PYCR1: variants seen among roughly 807,000 people sequenced by gnomAD.
PYCR1 encodes the protein pyrroline-5-carboxylate reductase 1.
Under a neutral mutation model 22.9 loss-of-function variants are expected in PYCR1, and 19 were observed. That is an observed-to-expected ratio of 0.83 (90% CI 0.58 to 1.22). The LOEUF (loss-of-function observed/expected upper bound fraction) is 1.22. Ranked by LOEUF, PYCR1 falls within the 50% of genes most tolerant of loss-of-function variation. The probability of loss-of-function intolerance (pLI) is 0.00; values close to 1 mark genes in which losing one functional copy is unlikely to be tolerated. For synonymous variants in PYCR1, 175 were observed against 180.5 expected (o/e 0.97, Z 0.24); for missense variants, 429 against 431.3 (o/e 0.99, Z 0.05).
In PYCR1 at chr17:81,937,171, C is replaced by T. The variant is rs1016283214; in HGVS notation, c.-357G>A. ...GTCTGGGTTCCCACCCCGCCCAGAA[C>T]TGGGCTACCGTCGCGCCCCACCCGG... On this transcript the variant is annotated 5_prime_UTR_variant, in exon 1 of 7. Coordinates refer to ENST00000329875, the MANE Select transcript of PYCR1 (RefSeq NM_006907.4). 4 of 1,471,876 alleles carry T rather than the reference C, an allele frequency of 2.7e-6. No homozygotes were observed. Among genetic ancestry groups the T allele is most frequent in the Admixed American group, 2.5e-5 (1 of 40,386 alleles). 91.2% of individuals were successfully genotyped at this position (1,471,876 alleles called of 1,614,324 possible).
rs2041190927 is a variant in PYCR1, at chr17:81,936,308, C to T, written c.68-115G>A. 9 of 1,006,136 alleles carry T rather than the reference C, an allele frequency of 8.9e-6. No individual in the cohort carries two copies. In the Middle Eastern group the frequency reaches 1.9e-3, roughly 210 times the overall value. 62.3% of individuals were successfully genotyped at this position (1,006,136 alleles called of 1,614,324 possible). ...TGGCGCAATCTCGGCTCACTGCAAG[C>T]TCCACCTCCCGGGTTCACGCCATGC... On this transcript the variant is annotated intron_variant, in intron 1 of 6. Coordinates refer to ENST00000329875, the MANE Select transcript of PYCR1 (RefSeq NM_006907.4).
At chr17:81,934,843 G>A in intron 4 of PYCR1, 83 bp downstream of exon 4, 1 of 1,557,372 alleles carries the variant, frequency 6.4e-7, no homozygotes, top group South Asian at 1.2e-5. Flanking sequence ...CTCCACCCTG[G>A]CCCTCCCAGG....
At chr17:81,935,605 G>T in intron 2 of PYCR1, 89 bp from the exon 3 acceptor site, 57 of 681,576 alleles carry the variant, frequency 8.4e-5, no homozygotes, top group East Asian at 4.3e-4. Flanking sequence ...ATGGCACAGA[G>T]AATGCTGGAG....
chr17:81,937,236 A>G lies in PYCR1; in HGVS notation c.-422T>C. ...CATTCCCGGAGCCCGACCCCAACCC[A>G]GCTACCGTGCGCGGGTCGTACCCAC... On this transcript the variant is annotated 5_prime_UTR_variant, in exon 1 of 7. Transcript: ENST00000329875. 1 of 1,438,066 alleles carries G rather than the reference A, an allele frequency of 7.0e-7. No individual in the cohort carries two copies. The highest frequency in any genetic ancestry group is 9.1e-7 in the Non-Finnish European group (1 of 1,098,388). The allele number at this position is 1,438,066 out of a possible 1,614,324, so 89.1% of individuals were successfully genotyped here.
In PYCR1 at chr17:81,933,312, C is replaced by T; in HGVS notation, c.862G>A (p.Asp288Asn). ...SPAAIKKTIL[D>N]KVKLDSPAGT... Reference sequence around the variant, plus strand: ...GCAGGGGAGTCCAGCTTCACCTTGTCCAGGATGGTCTTCTTGATGGCGGCT... The same window carrying T: ...GCAGGGGAGTCCAGCTTCACCTTGTTCAGGATGGTCTTCTTGATGGCGGCT... The change falls in exon 7 of 7, where the codon GAC becomes AAC. Residue 288 changes from aspartate (D) to asparagine (N), a missense_variant. Physicochemically the swap from Asp to Asn is conservative, Grantham distance 23. Coordinates refer to ENST00000329875, the MANE Select transcript of PYCR1 (RefSeq NM_006907.4). 1 of 1,614,020 alleles carries T rather than the reference C, an allele frequency of 6.2e-7. No homozygotes were observed. The highest frequency in any genetic ancestry group is 1.1e-5 in the South Asian group (1 of 91,090).
At position 81,934,307 on chromosome 17, in the gene PYCR1, G is replaced by A. The variant is rs140561644; in HGVS notation, c.797+19C>T. 2.8e-4 allele frequency: 444 copies of A among 1,612,328 alleles called. 2 individuals are homozygous for A. The highest frequency in any genetic ancestry group is 1.8e-3 in the South Asian group (166 of 90,914). On this transcript the variant is annotated intron_variant, in intron 6 of 6. Transcript: ENST00000329875. ...TGCAAGGACTGGAGACCAGGGAAGC[G>A]GGCAGCGCGGGGGCCCACCGTGTGC...
rs2041043882 is a variant in PYCR1 at position 81,933,319 on chromosome 17, G to A, written c.855C>T (p.Thr285=). ...AGTCCAGCTTCACCTTGTCCAGGAT[G>A]GTCTTCTTGATGGCGGCTGGTGACA... ...EQVSPAAIKK[T]ILDKVKLDSP... Residue 285 remains threonine, a synonymous_variant, in exon 7 of 7, where the codon ACC becomes ACT. Transcript: ENST00000329875. The A allele has an allele frequency of 6.2e-7, 1 of 1,613,852 alleles. No individual in the cohort carries two copies. The highest frequency in any genetic ancestry group is 1.3e-5 in the African/African-American group (1 of 74,912).
chr17:81,932,801 A>AGGGCAGGGAG lies in PYCR1; in HGVS notation c.*403_*412dup, dbSNP rs2041022998. The AGGGCAGGGAG allele has an allele frequency of 1.3e-6, 2 of 1,516,374 alleles. No homozygotes were observed. Among genetic ancestry groups the AGGGCAGGGAG allele is most frequent in the Non-Finnish European group, 1.8e-6 (2 of 1,121,892 alleles). The allele number at this position is 1,516,374 out of a possible 1,614,324, so 93.9% of individuals were successfully genotyped here. A position where few individuals can be genotyped will look rare whatever the true frequency, so the allele number is the denominator to read the frequency against. ...GAAGGAGAGGTTTCTCCCTGAATGG[A>AGGGCAGGGAG]GGGCAGGGAGGGGCCGGGAGGGGGC... On this transcript the variant is annotated 3_prime_UTR_variant, in exon 7 of 7. Coordinates refer to ENST00000329875, the MANE Select transcript of PYCR1 (RefSeq NM_006907.4).
chr17:81,937,192 C>A lies in PYCR1; in HGVS notation c.-378G>T, dbSNP rs558371350. The A allele has an allele frequency of 1.4e-6, 2 of 1,477,058 alleles. No homozygotes were observed. The highest frequency in any genetic ancestry group is 2.4e-5 in the Admixed American group (1 of 41,994). The allele number at this position is 1,477,058 out of a possible 1,614,324, so 91.5% of individuals were successfully genotyped here. A position where few individuals can be genotyped will look rare whatever the true frequency, so the allele number is the denominator to read the frequency against. On this transcript the variant is annotated 5_prime_UTR_variant, in exon 1 of 7. Transcript: ENST00000329875. ...AGAACTGGGCTACCGTCGCGCCCCA[C>A]CCGGCGACCGCCGCCCACCATTCCC...
chr17:81,933,439 G>A, intron 6 of PYCR1, 63 bp from the exon 7 acceptor site: 1 of 1,588,148 alleles, frequency 6.3e-7, no homozygotes, highest in South Asian at 1.1e-5. Context: ...AGGGAGTGAA[G>A]CCCACAGCTC....
At chr17:81,933,700 TA>T (rs1199646781) in intron 6 of PYCR1, among the ~76,000 whole-genome samples, 2 of 152,176 alleles carry the variant, frequency 1.3e-5, no homozygotes, top group Admixed American at 6.5e-5. Flanking sequence ...CCCTCACTGT[TA>T]CAGGGTGGCA....
In PYCR1 at chr17:81,937,291, C is replaced by G. The variant is rs1240371030; in HGVS notation, c.-477G>C. ...CAGCGCTGCGGCCGCCACGCGGCAC[C>G]CGCACCCAGGCCCCGCCCCCGTCGC... On this transcript the variant is annotated 5_prime_UTR_variant, in exon 1 of 7. Coordinates refer to ENST00000329875, the MANE Select transcript of PYCR1 (RefSeq NM_006907.4). 1 of 1,114,628 alleles carries G rather than the reference C, an allele frequency of 9.0e-7. No homozygotes were observed. Among genetic ancestry groups the G allele is most frequent in the Non-Finnish European group, 1.1e-6 (1 of 878,002 alleles). The allele number at this position is 1,114,628 out of a possible 1,614,324, so 69.0% of individuals were successfully genotyped here. A position where few individuals can be genotyped will look rare whatever the true frequency, so the allele number is the denominator to read the frequency against.
Position 81,932,784 on chromosome 17 carries a change from G to A in PYCR1, c.*430C>T. ...TGGCCCTTCTCACACGGGAAGGAGA[G>A]GTTTCTCCCTGAATGGAGGGCAGGG... On this transcript the variant is annotated 3_prime_UTR_variant, in exon 7 of 7. Coordinates refer to ENST00000329875, the MANE Select transcript of PYCR1 (RefSeq NM_006907.4). 4.1e-6 allele frequency: 6 copies of A among 1,481,092 alleles called. No homozygotes were observed. Among genetic ancestry groups the A allele is most frequent in the Non-Finnish European group, 5.5e-6 (6 of 1,094,976 alleles). The allele number at this position is 1,481,092 out of a possible 1,614,324, so 91.7% of individuals were successfully genotyped here. A position where few individuals can be genotyped will look rare whatever the true frequency, so the allele number is the denominator to read the frequency against.
intron 3 of PYCR1, 45 bp from the exon 4 acceptor site, chr17:81,935,192 C>A: frequency 6.4e-7 from 1 of 1,573,678 alleles, no homozygotes; most frequent in Non-Finnish European, 8.6e-7. Flanking sequence ...GACGCAGTGC[C>A]TAGATGCACT....
At chr17:81,934,531 G>A (rs200681830) in intron 5 of PYCR1, 42 bp from the exon 6 acceptor site, 2 of 1,563,494 alleles carry the variant, frequency 1.3e-6, no homozygotes, top group Non-Finnish European at 1.7e-6. Context: ...GCACGCACCT[G>A]CCTCTGCGGG....
chr17:81,936,202 A>T lies in PYCR1; in HGVS notation c.68-9T>A, dbSNP rs1472605428. Reference sequence around the variant, plus strand: ...GTGGGCAGCCAAGACGCCTGAGGGGAGAAACAGTTCCTCTTCAGTTCTTTA... The same window carrying T: ...GTGGGCAGCCAAGACGCCTGAGGGGTGAAACAGTTCCTCTTCAGTTCTTTA... On this transcript the variant is annotated splice_polypyrimidine_tract_variant and intron_variant, in intron 1 of 6. Transcript: ENST00000329875. The T allele has an allele frequency of 3.7e-6, 6 of 1,612,228 alleles. No homozygotes were observed. In the Admixed American group the frequency reaches 1.0e-4, roughly 27 times the overall value.
intron 6 of PYCR1, 172 bp downstream of exon 6, chr17:81,934,154 G>T: frequency 1.1e-6 from 1 of 904,746 alleles, no homozygotes. Flanking sequence ...AAGGTGGGGA[G>T]GGGCACTGCC....
Position 81,932,428 on chromosome 17 carries a change from C to G in PYCR1, c.*786G>C, listed in dbSNP as rs1433335212. 2 of 231,224 alleles carry G rather than the reference C, an allele frequency of 8.6e-6. No homozygotes were observed. Among genetic ancestry groups the G allele is most frequent in the African/African-American group, 4.5e-5 (2 of 44,658 alleles). 14.3% of individuals were successfully genotyped at this position (231,224 alleles called of 1,614,324 possible). ...GACATTTTAATCAGTAAGGCAGATG[C>G]CCTCCAAGATGTGGGCGGGCCTTGT... is the stretch of plus-strand genomic sequence containing the variant. On this transcript the variant is annotated 3_prime_UTR_variant, in exon 7 of 7. Coordinates refer to ENST00000329875, the MANE Select transcript of PYCR1 (RefSeq NM_006907.4).
rs776777416 is a variant in PYCR1, at chr17:81,934,711, C to A, written c.575G>T (p.Gly192Val). The part of the protein sequence containing the change: ...FTALDALADG[G>V]VKMGLPRRLA... ...GCGCCTTGGAAGTCCCATCTTCACACCCCCATCAGCCAGGGCATCCAGGGC... is the reference window on the plus strand; with the variant it reads ...GCGCCTTGGAAGTCCCATCTTCACAACCCCATCAGCCAGGGCATCCAGGGC... Residue 192 changes from glycine (G) to valine (V), a missense_variant, in exon 5 of 7, where the codon GGT becomes GTT. Coordinates refer to ENST00000329875, the MANE Select transcript of PYCR1 (RefSeq NM_006907.4). 2.5e-6 allele frequency: 4 copies of A among 1,569,908 alleles called. No homozygotes were observed. Among genetic ancestry groups the A allele is most frequent in the East Asian group, 4.8e-5 (2 of 42,060 alleles).
Sources: gnomAD v4.1 joint callset for allele counts (sites outside exome capture counted in the v4.1 genomes callset) on GRCh38, gnomAD v4.1.1 for gene constraint, MANE v1.5 for transcripts, NCBI Gene and HGNC (gene_info 2026-07-23, HGNC 2026-07-21) for gene names.